Variants in INPP5A observed in about 807,000 individuals in gnomAD.
INPP5A encodes the protein inositol polyphosphate-5-phosphatase A.
A neutral mutation model predicts 65.2 loss-of-function variants in INPP5A; 14 were observed. The observed-to-expected ratio is 0.21, with a 90% CI of 0.14 to 0.34. INPP5A has a LOEUF of 0.34. INPP5A is among the 10% of genes least tolerant of loss of function. The probability of loss-of-function intolerance (pLI) is 1.00; values close to 1 mark genes in which losing one functional copy is unlikely to be tolerated. For missense variants in INPP5A, 431 were observed against 545.6 expected (o/e 0.79, Z 2.09); for synonymous variants, 207 against 208.3 (o/e 0.99, Z 0.05).
chr10:132,771,780 G>A lies in INPP5A; in HGVS notation c.978-5891G>A, dbSNP rs2478786. Among the ~76,000 whole-genome samples the A allele has an allele frequency of 3.3e-3, 318 of 97,218 alleles. 1 individual carries two copies. The highest frequency in any genetic ancestry group is 0.013 in the African/African-American group (264 of 19,944). The allele number at this position is 97,218 out of a possible 152,430, so 63.8% of individuals were successfully genotyped here. On this transcript the variant is annotated intron_variant, in intron 12 of 15. Transcript: ENST00000368594. The stretch of plus-strand genomic sequence containing the variant: ...GCAGCCACCCCATGAAGAGTGGGAC[G>A]GACACTCAGCACTGACACGGAGGCC...
chr10:132,605,633 G>C (rs2071839676), intron 1 of INPP5A, among the ~76,000 whole-genome samples: 1 of 152,026 alleles, frequency 6.6e-6, no homozygotes, highest in South Asian at 2.1e-4. Flanking sequence ...TTCCAAGCTG[G>C]GGTCAGCCAG....
chr10:132,538,159 G>C lies in INPP5A; in HGVS notation c.63G>C (p.Ser21=). 2 of 1,279,720 alleles carry C rather than the reference G, an allele frequency of 1.6e-6. No homozygotes were observed. Among genetic ancestry groups the C allele is most frequent in the African/African-American group, 3.1e-5 (2 of 65,320 alleles). 79.3% of individuals were successfully genotyped at this position (1,279,720 alleles called of 1,614,324 possible). Residue 21 remains serine, a synonymous_variant, in exon 1 of 16, where the codon TCG becomes TCC. Transcript: ENST00000368594. This position sits in a 1 kb window ranked among gnomAD's most constrained non-coding sequence, Gnocchi z 4.1. ...AVLLVTANVG[S]LFDDPENLQK... ...TGCTGGTCACGGCCAACGTGGGCTC[G>C]CTCTTCGACGACGTAAGTCCCCCGT... is the stretch of plus-strand genomic sequence containing the variant.
intron 2 of INPP5A, among the ~76,000 whole-genome samples, chr10:132,645,465 C>G (rs572730876): frequency 1.3e-5 from 2 of 152,236 alleles, no homozygotes; most frequent in Non-Finnish European, 1.5e-5. Context: ...CGTGTGCACC[C>G]TTGCTGGGGT....
rs2071038872 is a variant in INPP5A at position 132,550,735 on chromosome 10, C to CATGGAAGACGGTGGAG, written c.75+12565_75+12580dup. 6.6e-6 allele frequency among the ~76,000 whole-genome samples: 1 copy of CATGGAAGACGGTGGAG among 152,204 alleles called. No individual in the cohort carries two copies. The highest frequency in any genetic ancestry group is 6.5e-5 in the Admixed American group (1 of 15,290). ...ACACTAGTTTGGTCCCGCCTGACCT[C>CATGGAAGACGGTGGAG]ATGGAAGACGGTGGAGGTGGCAGCC... On this transcript the variant is annotated intron_variant, in intron 1 of 15. Coordinates refer to ENST00000368594, the MANE Select transcript of INPP5A (RefSeq NM_005539.5). This position sits in a 1 kb window ranked among gnomAD's most constrained non-coding sequence, Gnocchi z 4.2.
chr10:132,759,415 C>T (rs1321607980), intron 11 of INPP5A, among the ~76,000 whole-genome samples: 1 of 152,252 alleles, frequency 6.6e-6, no homozygotes, highest in African/African-American at 2.4e-5. Flanking sequence ...GCCTCAGGAA[C>T]TTGCAAAGGG....
intron 1 of INPP5A, among the ~76,000 whole-genome samples, chr10:132,560,377 T>A (rs1305043654): frequency 6.6e-6 from 1 of 152,236 alleles, no homozygotes; most frequent in Non-Finnish European, 1.5e-5. Context: ...TTTTTCGTTC[T>A]TGTGAGCAGT....
intron 5 of INPP5A, among the ~76,000 whole-genome samples, chr10:132,695,662 C>T (rs1448853274): frequency 6.6e-6 from 1 of 152,120 alleles, no homozygotes; most frequent in Non-Finnish European, 1.5e-5. Context: ...TGCAGGATGC[C>T]TAGTTAAGAT....
Position 132,623,540 on chromosome 10 carries a change from G to A in INPP5A, c.117+15584G>A, listed in dbSNP as rs532423779. Among the ~76,000 whole-genome samples, 243 of 152,080 alleles carry A rather than the reference G, an allele frequency of 1.6e-3. 2 individuals carry two copies. The highest frequency in any genetic ancestry group is 5.7e-3 in the African/African-American group (238 of 41,502). ...AATATAAATCTTAAAAAGTACAAAA[G>A]TTCTAGAAGGAAACTTAAGAGAAAA... is the stretch of plus-strand genomic sequence containing the variant. On this transcript the variant is annotated intron_variant, in intron 2 of 15. Coordinates refer to ENST00000368594, the MANE Select transcript of INPP5A (RefSeq NM_005539.5).
chr10:132,760,340 G>A (rs12767391), intron 11 of INPP5A, among the ~76,000 whole-genome samples: 24,711 of 152,254 alleles, frequency 0.16, 2,429 homozygotes, highest in Non-Finnish European at 0.22. Context: ...GCCAGGGTCG[G>A]ACGCTGTGCC....
chr10:132,756,749 A>C (rs567399143), intron 11 of INPP5A, among the ~76,000 whole-genome samples: 1 of 152,394 alleles, frequency 6.6e-6, no homozygotes, highest in South Asian at 2.1e-4. Context: ...ACCTGTAAAC[A>C]GCCTCAGGCA....
intron 1 of INPP5A, among the ~76,000 whole-genome samples, chr10:132,600,525 G>A (rs763000984): frequency 5.3e-5 from 8 of 152,106 alleles, no homozygotes; most frequent in Admixed American, 1.3e-4. Flanking sequence ...TTTTCCTGTC[G>A]TCTTCTCATC....
Position 132,574,490 on chromosome 10 carries a change from A to C in INPP5A, c.76-33425A>C, listed in dbSNP as rs188869840. On this transcript the variant is annotated intron_variant, in intron 1 of 15. Transcript: ENST00000368594. ...GTGTGTCCTGTGTGAGGTTTTGTTG[A>C]GATGTTGGGGTGTACCTGCTGTGTG... Among the ~76,000 whole-genome samples, 610 of 149,616 alleles carry C rather than the reference A, an allele frequency of 4.1e-3. 3 individuals are homozygous for C. Among genetic ancestry groups the C allele is most frequent in the African/African-American group, 0.014 (582 of 40,398 alleles).
chr10:132,606,264 C>A (rs1024909075), intron 1 of INPP5A, among the ~76,000 whole-genome samples: 1 of 141,396 alleles, frequency 7.1e-6, no homozygotes, highest in Non-Finnish European at 1.6e-5. Flanking sequence ...GGGTCAGTCG[C>A]CTCCCCTCCT....
intron 2 of INPP5A, among the ~76,000 whole-genome samples, chr10:132,628,268 T>C (rs1333580629): frequency 6.6e-6 from 1 of 152,190 alleles, no homozygotes; most frequent in African/African-American, 2.4e-5. Flanking sequence ...GAGGCTCCCC[T>C]TTCTGGGCTG....
At chr10:132,759,719 G>A (rs1846696379) in intron 11 of INPP5A, among the ~76,000 whole-genome samples, 2 of 152,062 alleles carry the variant, frequency 1.3e-5, no homozygotes, top group South Asian at 4.2e-4. Flanking sequence ...TCCTCACCCT[G>A]CAGGAGCCCC....
At chr10:132,737,447 TC>T (rs112404298) in intron 9 of INPP5A, among the ~76,000 whole-genome samples, 1 of 145,242 alleles carries the variant, frequency 6.9e-6, no homozygotes, top group African/African-American at 2.9e-5. Flanking sequence ...AGCCCTGTCC[TC>T]CTACTGCCGT....
chr10:132,696,474 G>A (rs996411408), intron 5 of INPP5A, among the ~76,000 whole-genome samples: 4 of 152,158 alleles, frequency 2.6e-5, no homozygotes, highest in South Asian at 2.1e-4. Context: ...CAGCTCCACG[G>A]GGTGTTATTT....
At chr10:132,585,220 T>C (rs1203510011) in intron 1 of INPP5A, among the ~76,000 whole-genome samples, 1 of 152,226 alleles carries the variant, frequency 6.6e-6, no homozygotes, top group Non-Finnish European at 1.5e-5. Flanking sequence ...TATTAACAGG[T>C]ACCTAAATAA....
chr10:132,697,788 G>A lies in INPP5A; in HGVS notation c.371-28G>A, dbSNP rs1174230763. ...TTGGATGGGGCACAGTGATGGGATAGTCACCTCGTCCTTCTGGTCTCTTCC... is the reference window on the plus strand; with the variant it reads ...TTGGATGGGGCACAGTGATGGGATAATCACCTCGTCCTTCTGGTCTCTTCC... On this transcript the variant is annotated intron_variant, in intron 5 of 15. Coordinates refer to ENST00000368594, the MANE Select transcript of INPP5A (RefSeq NM_005539.5). This position sits in a 1 kb window ranked among gnomAD's most constrained non-coding sequence, Gnocchi z 5.6. 1 of 1,480,220 alleles carries A rather than the reference G, an allele frequency of 6.8e-7. No individual in the cohort carries two copies. The highest frequency in any genetic ancestry group is 1.7e-5 in the Admixed American group (1 of 59,006). 91.7% of individuals were successfully genotyped at this position (1,480,220 alleles called of 1,614,324 possible).
Sources: gnomAD v4.1 joint callset for allele counts (sites outside exome capture counted in the v4.1 genomes callset) on GRCh38, gnomAD v4.1.1 for gene constraint, Gnocchi (gnomAD v3.1) non-coding constraint, MANE v1.5 for transcripts, NCBI Gene and HGNC (gene_info 2026-07-23, HGNC 2026-07-21) for gene names.